HDAC9: variants seen among roughly 807,000 people sequenced by gnomAD.
HDAC9 encodes histone deacetylase 9.
A neutral mutation model predicts 139.4 loss-of-function variants in HDAC9; 41 were observed. That is an observed-to-expected ratio of 0.29 (90% CI 0.23 to 0.38). HDAC9 has a LOEUF of 0.38. Ranked by LOEUF, HDAC9 falls within the 10% of genes least tolerant of loss-of-function variation. HDAC9 has a pLI of 1.00. For synonymous variants in HDAC9, 517 were observed against 476.2 expected (o/e 1.09, Z -1.12); for missense variants, 1,147 against 1,297.0 (o/e 0.88, Z 1.78).
chr7:18,122,657 C>T (rs189105819), intron 1 of HDAC9, among the ~76,000 whole-genome samples: 2 of 152,020 alleles, frequency 1.3e-5, no homozygotes, highest in Non-Finnish European at 2.9e-5. Flanking sequence ...CTTGCTGTGT[C>T]CCCCAGGCTG....
chr7:18,762,163 C>G lies in HDAC9; in HGVS notation c.2050C>G (p.Gln684Glu). Reference protein sequence around the residue: ...TGLLNKCERIQGRKASLEEIQ... With the variant: ...TGLLNKCERIEGRKASLEEIQ... ...TTCTGCTATTTTCTTGCAGCGAATT[C>G]AAGGTCGAAAAGCCAGCCTGGAGGA... is the stretch of plus-strand genomic sequence containing the variant. Residue 684 changes from glutamine to glutamate, a missense_variant, in exon 15 of 26, where the codon CAA (glutamine) becomes GAA (glutamate). Transcript: ENST00000686413. The G allele has an allele frequency of 6.2e-7, 1 of 1,613,462 alleles. No homozygotes were observed. The highest frequency in any genetic ancestry group is 8.5e-7 in the Non-Finnish European group (1 of 1,179,618).
intron 1 of HDAC9, among the ~76,000 whole-genome samples, chr7:18,416,529 G>C (rs1393740951): frequency 6.6e-6 from 1 of 151,818 alleles, no homozygotes; most frequent in African/African-American, 2.4e-5. Context: ...AAGTCATCAG[G>C]CCTCGTATTT....
At chr7:18,546,647 A>T (rs552768291) in intron 2 of HDAC9, among the ~76,000 whole-genome samples, 34 of 152,248 alleles carry the variant, frequency 2.2e-4, no homozygotes, top group African/African-American at 7.0e-4. Context: ...CTTTGTTGGT[A>T]TTTTGTGTTG....
intron 6 of HDAC9, among the ~76,000 whole-genome samples, chr7:18,605,633 A>C (rs551883201): frequency 1.3e-5 from 2 of 152,028 alleles, no homozygotes; most frequent in Admixed American, 1.3e-4. Context: ...TGGAAGTAAA[A>C]CCCATGAAAA....
At chr7:18,120,356 G>C (rs1369317728) in intron 1 of HDAC9, among the ~76,000 whole-genome samples, 1 of 152,196 alleles carries the variant, frequency 6.6e-6, no homozygotes. Context: ...GCTGATCATA[G>C]AGGATGTTAT....
At chr7:18,739,264 C>T (rs1198029280) in intron 13 of HDAC9, among the ~76,000 whole-genome samples, 1 of 152,200 alleles carries the variant, frequency 6.6e-6, no homozygotes, top group Non-Finnish European at 1.5e-5. Context: ...CTACTTTTGT[C>T]AACTTGACAA....
intron 2 of HDAC9, among the ~76,000 whole-genome samples, chr7:18,203,066 T>C (rs543955808): frequency 1.2e-4 from 19 of 152,316 alleles, no homozygotes; most frequent in African/African-American, 4.6e-4. Flanking sequence ...ACGTGCCTAA[T>C]TGGGTGAATA....
At chr7:18,636,022 G>T (rs899617692) in intron 8 of HDAC9, among the ~76,000 whole-genome samples, 1 of 152,074 alleles carries the variant, frequency 6.6e-6, no homozygotes, top group Non-Finnish European at 1.5e-5. Context: ...AATATAATAA[G>T]TGAAGGCAGA....
intron 16 of HDAC9, among the ~76,000 whole-genome samples, chr7:18,778,928 G>A (rs1791009989): frequency 6.6e-6 from 1 of 152,084 alleles, no homozygotes; most frequent in Non-Finnish European, 1.5e-5. Context: ...ATGGTTTGTG[G>A]TAGAGCATTA....
intron 1 of HDAC9, among the ~76,000 whole-genome samples, chr7:18,389,660 G>T (rs919958525): frequency 2.0e-5 from 3 of 152,116 alleles, no homozygotes; most frequent in Non-Finnish European, 4.4e-5. Flanking sequence ...ACAAGATGAT[G>T]GGAAGGAATT....
chr7:18,154,644 A>C (rs969643949), intron 1 of HDAC9, among the ~76,000 whole-genome samples: 2 of 152,224 alleles, frequency 1.3e-5, no homozygotes, highest in African/African-American at 4.8e-5. Flanking sequence ...CTAGTGAAAC[A>C]TTTTACAAGA....
chr7:18,373,972 A>G (rs1305280687), intron 1 of HDAC9, among the ~76,000 whole-genome samples: 1 of 152,038 alleles, frequency 6.6e-6, no homozygotes, highest in Non-Finnish European at 1.5e-5. Context: ...ATATTAATTT[A>G]TTGATACTGT....
chr7:18,955,481 C>A (rs1429762635), intron 24 of HDAC9, among the ~76,000 whole-genome samples: 2 of 152,100 alleles, frequency 1.3e-5, no homozygotes, highest in Admixed American at 6.6e-5. Flanking sequence ...TTATCTTTTT[C>A]TGAGCATTGT....
chr7:18,940,332 G>A (rs1356557508), intron 23 of HDAC9, among the ~76,000 whole-genome samples: 1 of 152,050 alleles, frequency 6.6e-6, no homozygotes, highest in African/African-American at 2.4e-5. Flanking sequence ...ATATGTACAA[G>A]GTCAGTCAAA....
intron 6 of HDAC9, 100 bp from the exon 7 acceptor site, chr7:18,629,250 C>T: frequency 1.8e-6 from 2 of 1,139,362 alleles, no homozygotes; most frequent in Non-Finnish European, 2.4e-6. Context: ...GAGAATGGAC[C>T]AAGAAAAGGG....
intron 2 of HDAC9, among the ~76,000 whole-genome samples, chr7:18,580,983 G>A (rs912586503): frequency 3.3e-5 from 5 of 152,126 alleles, no homozygotes; most frequent in African/African-American, 1.2e-4. Context: ...ATGAGCCTTT[G>A]TCACCCACAA....
intron 1 of HDAC9, among the ~76,000 whole-genome samples, chr7:18,474,575 T>C (rs1485461837): frequency 1.3e-5 from 2 of 152,220 alleles, no homozygotes; most frequent in African/African-American, 4.8e-5. Flanking sequence ...TATTACCAAA[T>C]TTTAAGAAGA....
intron 2 of HDAC9, among the ~76,000 whole-genome samples, chr7:18,213,367 C>T (rs916305718): frequency 2.6e-5 from 4 of 152,104 alleles, no homozygotes; most frequent in African/African-American, 7.2e-5. Context: ...TGTTGCTTTA[C>T]GTGTAGAAAG....
At chr7:18,292,901 G>A (rs1339738935) in intron 1 of HDAC9, among the ~76,000 whole-genome samples, 1 of 152,076 alleles carries the variant, frequency 6.6e-6, no homozygotes, top group Admixed American at 6.6e-5. Context: ...GGGTACAACT[G>A]CAAAAATAGA....
Sources: allele counts gnomAD v4.1 joint callset (sites outside exome capture counted in the v4.1 genomes callset), GRCh38; gene constraint gnomAD v4.1.1; transcripts MANE v1.5; gene names NCBI Gene and HGNC (gene_info 2026-07-23, HGNC 2026-07-21).